The following RASAL2 variants were observed in gnomAD, a reference collection of about 807,000 sequenced individuals.
RASAL2 encodes ras GTPase-activating protein nGAP.
RASAL2 carries 58 observed loss-of-function variants against 128.9 expected under a neutral mutation model. The ratio of observed to expected loss-of-function variants is 0.45; its 90% CI spans 0.36 to 0.56. The LOEUF (loss-of-function observed/expected upper bound fraction) is 0.56, where lower values mean the gene tolerates loss of function less well. Ranked by LOEUF, RASAL2 falls within the 20% of genes least tolerant of loss-of-function variation. RASAL2 has a pLI of 0.00. For synonymous variants in RASAL2, 561 were observed against 580.8 expected, an observed-to-expected ratio of 0.97 and a Z score of 0.49; for missense variants, 1,360 against 1,601.6, an observed-to-expected ratio of 0.85 and a Z score of 2.57.
intron 1 of RASAL2, among the ~76,000 whole-genome samples, chr1:178,161,130 A>C (rs939762158): frequency 2.6e-5 from 4 of 151,524 alleles, no homozygotes; most frequent in African/African-American, 9.7e-5. Context: ...AAAAGGATAT[A>C]GTTAAATACA....
intron 1 of RASAL2, among the ~76,000 whole-genome samples, chr1:178,183,190 A>C (rs973973511): frequency 1.3e-5 from 2 of 152,162 alleles, no homozygotes; most frequent in African/African-American, 4.8e-5. Flanking sequence ...AGACTTCACT[A>C]GTTTCCAGGG....
At chr1:178,100,383 G>C (rs192609214) in intron 1 of RASAL2, among the ~76,000 whole-genome samples, 31 of 151,970 alleles carry the variant, frequency 2.0e-4, no homozygotes, top group Admixed American at 1.3e-3. Context: ...AAAATTAGCA[G>C]GGCATGGTGG....
intron 1 of RASAL2, among the ~76,000 whole-genome samples, chr1:178,156,774 G>A (rs1661099560): frequency 6.6e-6 from 1 of 152,094 alleles, no homozygotes; most frequent in East Asian, 1.9e-4. Context: ...AAAAAACACA[G>A]CGATTAAGGT....
chr1:178,231,591 A>G (rs1219755397), intron 1 of RASAL2, among the ~76,000 whole-genome samples: 1 of 152,110 alleles, frequency 6.6e-6, no homozygotes, highest in Non-Finnish European at 1.5e-5. Flanking sequence ...TCTGTGTCCT[A>G]AGAAATCTTT....
intron 5 of RASAL2, among the ~76,000 whole-genome samples, chr1:178,435,314 G>T (rs1676185292): frequency 6.6e-6 from 1 of 152,070 alleles, no homozygotes. Flanking sequence ...TGAAAAATTG[G>T]CCAGTTAAGC....
intron 1 of RASAL2, among the ~76,000 whole-genome samples, chr1:178,170,619 A>T (rs1284531132): frequency 6.6e-6 from 1 of 151,466 alleles, no homozygotes; most frequent in African/African-American, 2.4e-5. Flanking sequence ...TTCATTTCTT[A>T]AAGTTGTTTT....
At chr1:178,197,317 T>C (rs2101959057) in intron 1 of RASAL2, among the ~76,000 whole-genome samples, 1 of 152,098 alleles carries the variant, frequency 6.6e-6, no homozygotes, top group South Asian at 2.1e-4. Context: ...TTAGCTGGGC[T>C]TGGTGGCTCA....
intron 3 of RASAL2, among the ~76,000 whole-genome samples, chr1:178,317,134 G>A (rs1224107919): frequency 1.5e-5 from 2 of 129,258 alleles, no homozygotes; most frequent in African/African-American, 3.8e-5. Context: ...GCATCCCAGC[G>A]ATGAAGCCCA....
intron 3 of RASAL2, among the ~76,000 whole-genome samples, chr1:178,357,373 G>A (rs1670865259): frequency 6.7e-6 from 1 of 150,126 alleles, no homozygotes; most frequent in African/African-American, 2.4e-5. Flanking sequence ...CGAATGGTCA[G>A]TTCTTTGCAC....
chr1:178,304,558 A>G (rs576535445), intron 3 of RASAL2, among the ~76,000 whole-genome samples: 1 of 152,196 alleles, frequency 6.6e-6, no homozygotes, highest in African/African-American at 2.4e-5. Flanking sequence ...ACATTAGATT[A>G]AGTGACATTA....
intron 3 of RASAL2, among the ~76,000 whole-genome samples, chr1:178,332,996 T>G (rs1407078020): frequency 6.6e-6 from 1 of 152,036 alleles, no homozygotes; most frequent in East Asian, 1.9e-4. Flanking sequence ...CTGCCTTTAG[T>G]CACTAATGAA....
intron 1 of RASAL2, among the ~76,000 whole-genome samples, chr1:178,266,430 T>G (rs1398308221): frequency 1.3e-5 from 2 of 152,224 alleles, no homozygotes; most frequent in Non-Finnish European, 2.9e-5. Context: ...TTGTCTGCCC[T>G]TGTTTCTTTT....
intron 1 of RASAL2, among the ~76,000 whole-genome samples, chr1:178,264,601 C>A (rs1449276107): frequency 1.3e-5 from 2 of 152,090 alleles, no homozygotes; most frequent in Non-Finnish European, 2.9e-5. Flanking sequence ...ATAGAGGACA[C>A]AAATGAACAG....
Position 178,321,305 on chromosome 1 carries a change from C to T in RASAL2, c.457+21187C>T, listed in dbSNP as rs183963605. Among the ~76,000 whole-genome samples the T allele has an allele frequency of 3.9e-5, 6 of 152,134 alleles. No homozygotes were observed. In the East Asian group the frequency reaches 1.2e-3, roughly 30 times the overall value. On this transcript the variant is annotated intron_variant, in intron 3 of 17. Transcript: ENST00000367649. ...CACCCCATGTTGGCCAGGCTAGTCT[C>T]GAACTCCTGACCTAAGGTGATCCAC... is the stretch of plus-strand genomic sequence containing the variant.
At chr1:178,447,673 TAAAAAAAAAAAAAAAA>T (rs60358768) in intron 9 of RASAL2, among the ~76,000 whole-genome samples, 17 of 56,052 alleles carry the variant, frequency 3.0e-4, no homozygotes, top group African/African-American at 1.2e-3. Context: ...CTCCTTCTCT[TAAAAAAAAAAAAAAAA>T]AAAAAAAAAA....
At chr1:178,259,107 AG>A (rs1665527451) in intron 1 of RASAL2, among the ~76,000 whole-genome samples, 1 of 149,164 alleles carries the variant, frequency 6.7e-6, no homozygotes, top group Admixed American at 6.7e-5. Flanking sequence ...GGATGTGTAA[AG>A]GGCAATGAAA....
At chr1:178,333,520 CA>C (rs139320346) in intron 3 of RASAL2, among the ~76,000 whole-genome samples, 10,263 of 152,022 alleles carry the variant, frequency 0.068, 1,112 homozygotes, top group African/African-American at 0.23. Flanking sequence ...TCCTATTGCT[CA>C]AGGTCATCAC....
chr1:178,225,164 T>C (rs1663742906), intron 1 of RASAL2, among the ~76,000 whole-genome samples: 1 of 152,054 alleles, frequency 6.6e-6, no homozygotes, highest in Non-Finnish European at 1.5e-5. Context: ...ATGACTTGTC[T>C]AGTTCTCTGT....
At chr1:178,383,311 T>C (rs141917625) in intron 3 of RASAL2, among the ~76,000 whole-genome samples, 1 of 152,274 alleles carries the variant, frequency 6.6e-6, no homozygotes, top group East Asian at 1.9e-4. Context: ...GGGATTTGTA[T>C]TTCAGAGCAG....
Sources: allele counts gnomAD v4.1 joint callset (sites outside exome capture counted in the v4.1 genomes callset), GRCh38; gene constraint gnomAD v4.1.1; transcripts MANE v1.5; gene names NCBI Gene and HGNC (gene_info 2026-07-23, HGNC 2026-07-21).